Variants in SDHA observed in about 807,000 individuals in gnomAD.
The protein encoded by SDHA is succinate dehydrogenase [ubiquinone] flavoprotein subunit, mitochondrial.
In SDHA, 48 loss-of-function variants were observed where a neutral mutation model predicts 78.4. That is an observed-to-expected ratio of 0.61 (90% CI 0.49 to 0.78). SDHA has a LOEUF of 0.78. Ranked by LOEUF, SDHA falls within the 30% of genes least tolerant of loss-of-function variation. The pLI is 0.00. For missense variants in SDHA, 680 were observed against 892.7 expected, an observed-to-expected ratio of 0.76 and a Z score of 3.04; for synonymous variants, 326 against 353.9, an observed-to-expected ratio of 0.92 and a Z score of 0.88.
At chr5:218,968 G>A (rs1447129111) in intron 1 of SDHA, among the ~76,000 whole-genome samples, 2 of 152,094 alleles carry the variant, frequency 1.3e-5, no homozygotes, top group South Asian at 2.1e-4. Context: ...GGTGGGAAGC[G>A]TGGCGCGCCC....
intron 11 of SDHA, among the ~76,000 whole-genome samples, chr5:245,890 C>T (rs1037422981): frequency 6.6e-6 from 1 of 151,806 alleles, no homozygotes; most frequent in Non-Finnish European, 1.5e-5. Context: ...GGCTTCCTAC[C>T]TATGCCATGA....
chr5:266,795 G>A, the SDHA span, among the ~76,000 whole-genome samples: 6 of 151,892 alleles, frequency 4.0e-5, no homozygotes, highest in African/African-American at 9.7e-5. Flanking sequence ...GACCCTCGCC[G>A]TCCCGTGCAG....
chr5:240,565 G>A (rs1736075133), intron 11 of SDHA, 89 bp downstream of exon 11: 1 of 834,444 alleles, frequency 1.2e-6, no homozygotes, highest in East Asian at 2.5e-5. Context: ...AGATCTAGGG[G>A]GATGCAGGTG....
chr5:241,760 G>A (rs1736156169), intron 11 of SDHA, among the ~76,000 whole-genome samples: 2 of 152,224 alleles, frequency 1.3e-5, no homozygotes, highest in Admixed American at 1.3e-4. Flanking sequence ...AGGAGAACAG[G>A]TTCCCTGCTG....
chr5:257,165 C>A (rs1034993044), downstream of SDHA, among the ~76,000 whole-genome samples: 10 of 152,128 alleles, frequency 6.6e-5, no homozygotes, highest in Non-Finnish European at 1.0e-4. Flanking sequence ...ACATTTCCTC[C>A]TTTTTCTTGG....
intron 11 of SDHA, among the ~76,000 whole-genome samples, chr5:246,657 A>G (rs1015158930): frequency 5.3e-5 from 8 of 152,176 alleles, no homozygotes; most frequent in Admixed American, 1.3e-4. Flanking sequence ...TTTTTCTTCC[A>G]CATACTAATT....
In SDHA at chr5:254,225, C is replaced by T. The variant is rs573662252; in HGVS notation, c.1795-168C>T. 4.0e-3 allele frequency: 2,232 copies of T among 555,534 alleles called. 11 individuals are homozygous for T. The highest frequency in any genetic ancestry group is 5.2e-3 in the Non-Finnish European group (1,574 of 300,308). The allele number at this position is 555,534 out of a possible 1,614,324, so 34.4% of individuals were successfully genotyped here. A position where few individuals can be genotyped will look rare whatever the true frequency, so the allele number is the denominator to read the frequency against. ...GCTGCACACCCCCTGGCCAGCCATG[C>T]GGCCTCCGTGGGTTCTGAACATGTT... is the stretch of plus-strand genomic sequence containing the variant. On this transcript the variant is annotated intron_variant, in intron 13 of 14. Coordinates refer to ENST00000264932, the MANE Select transcript of SDHA (RefSeq NM_004168.4).
At chr5:246,692 AT>A (rs1736487601) in intron 11 of SDHA, among the ~76,000 whole-genome samples, 2 of 152,324 alleles carry the variant, frequency 1.3e-5, no homozygotes, top group East Asian at 1.9e-4. Context: ...AAGGCTCTAG[AT>A]TTGCTAATTT....
At chr5:265,506 G>A in the SDHA span, among the ~76,000 whole-genome samples, 5 of 152,122 alleles carry the variant, frequency 3.3e-5, no homozygotes, top group Admixed American at 6.5e-5. Context: ...GAAGATCAGC[G>A]ATTATCCCAC....
At chr5:224,570 C>G (rs545120389) in intron 3 of SDHA, 49 bp downstream of exon 3, 1 of 1,597,398 alleles carries the variant, frequency 6.3e-7, no homozygotes, top group South Asian at 1.1e-5. Context: ...AGGTCCCGCG[C>G]AGCCTCGCAC....
At chr5:233,247 T>G (rs7714306) in intron 7 of SDHA, among the ~76,000 whole-genome samples, 112,635 of 152,200 alleles carry the variant, frequency 0.74, 42,198 homozygotes, top group African/African-American at 0.78. Context: ...CTTTCTCCTC[T>G]CTGGGGACAC....
chr5:247,388 AC>A (rs1231567768), intron 11 of SDHA, among the ~76,000 whole-genome samples: 1 of 152,208 alleles, frequency 6.6e-6, no homozygotes, highest in African/African-American at 2.4e-5. Flanking sequence ...CTCTTCCAGG[AC>A]CTTTGACTGC....
At position 225,629 on chromosome 5, in the gene SDHA, A is replaced by C; in HGVS notation, c.456+67A>C. On this transcript the variant is annotated intron_variant, in intron 4 of 14. Coordinates refer to ENST00000264932, the MANE Select transcript of SDHA (RefSeq NM_004168.4). ...TAGTACAAAAGAATCCTGGAAAAAA[A>C]TGTAAGCAATTGAGGCGGATGTGGC... The C allele has an allele frequency of 1.9e-6, 3 of 1,608,598 alleles. No individual in the cohort carries two copies. The African/African-American group carries it at 4.0e-5, about 21-fold the overall frequency.
intron 11 of SDHA, chr5:250,660 A>T (rs986677391): frequency 3.3e-5 from 12 of 366,082 alleles, no homozygotes; most frequent in Non-Finnish European, 5.3e-5. Context: ...GTGGAGAGGC[A>T]GCGCTGCCTG....
Position 224,187 on chromosome 5 carries a change from G to A in SDHA, c.151-173G>A, listed in dbSNP as rs552898315. 6.1e-4 allele frequency among the ~76,000 whole-genome samples: 93 copies of A among 152,302 alleles called. No homozygotes were observed. In the South Asian group the frequency reaches 0.01, roughly 17 times the overall value. On this transcript the variant is annotated intron_variant, in intron 2 of 14. Transcript: ENST00000264932. ...GATTGTCAGTCCCTTCTCCAGGTGC[G>A]AATGTGCCCACCTCTCCCCGAACTG...
intron 13 of SDHA, among the ~76,000 whole-genome samples, chr5:253,325 G>A (rs1365680076): frequency 1.3e-5 from 2 of 152,212 alleles, no homozygotes; most frequent in African/African-American, 2.4e-5. Flanking sequence ...AGAATATGCT[G>A]ATGGCTGTGA....
At chr5:245,826 C>T (rs938591288) in intron 11 of SDHA, among the ~76,000 whole-genome samples, 8 of 152,200 alleles carry the variant, frequency 5.3e-5, no homozygotes, top group African/African-American at 7.2e-5. Flanking sequence ...CCTACCTATG[C>T]CATGAGTAAT....
In SDHA at chr5:228,323, G is replaced by A. The variant is rs776403592; in HGVS notation, c.760G>A (p.Val254Ile). The A allele has an allele frequency of 6.2e-7, 1 of 1,613,860 alleles. No individual in the cohort carries two copies. Among genetic ancestry groups the A allele is most frequent in the South Asian group, 1.1e-5 (1 of 91,062 alleles). The change falls in exon 6 of 15, where the codon GTT (valine) becomes ATT (isoleucine). Residue 254 changes from valine to isoleucine, a missense_variant. By Grantham distance (29) the Val-to-Ile change is conservative. Coordinates refer to ENST00000264932, the MANE Select transcript of SDHA (RefSeq NM_004168.4). Reference sequence around the variant, plus strand: ...TCGCATAAGAGCAAAGAACACTGTTGTTGCCACAGGGTAGGAATCTCATTT... The same window carrying A: ...TCGCATAAGAGCAAAGAACACTGTTATTGCCACAGGGTAGGAATCTCATTT... Reference protein sequence around the residue: ...IHRIRAKNTVVATGGYGRTYF... With the variant: ...IHRIRAKNTVIATGGYGRTYF...
At chr5:221,847 T>C (rs914299702) in intron 1 of SDHA, among the ~76,000 whole-genome samples, 5 of 152,148 alleles carry the variant, frequency 3.3e-5, no homozygotes, top group African/African-American at 1.2e-4. Context: ...TGATAATTTG[T>C]TCAAGATTGT....
Sources: allele counts gnomAD v4.1 joint callset (sites outside exome capture counted in the v4.1 genomes callset), GRCh38; gene constraint gnomAD v4.1.1; transcripts MANE v1.5; gene names NCBI Gene and HGNC (gene_info 2026-07-23, HGNC 2026-07-21).